PMEPA1: variants seen among roughly 807,000 people sequenced by gnomAD.
PMEPA1 encodes the protein protein TMEPAI.
PMEPA1 carries 11 observed loss-of-function variants against 23.0 expected under a neutral mutation model. That is an observed-to-expected ratio of 0.48 (90% confidence interval 0.30 to 0.79). The LOEUF (loss-of-function observed/expected upper bound fraction) is 0.79. Among genes scored for constraint, PMEPA1 ranks in the 30% least tolerant of loss-of-function variants. The probability of loss-of-function intolerance (pLI) is 0.06; values close to 1 mark genes in which losing one functional copy is unlikely to be tolerated. For missense variants in PMEPA1, 377 were observed against 390.9 expected (o/e 0.96, Z 0.30); for synonymous variants, 204 against 166.4 (o/e 1.23, Z -1.74).
chr20:57,659,801 T>G, intron 1 of PMEPA1, 104 bp from the exon 2 acceptor site: 1 of 1,078,238 alleles, frequency 9.3e-7, no homozygotes, highest in Non-Finnish European at 1.3e-6. Flanking sequence ...GGGACGAGAG[T>G]GCAACCCAGA....
chr20:57,710,564 C>G, upstream of PMEPA1: 3 of 1,274,800 alleles, frequency 2.4e-6, no homozygotes, highest in East Asian at 2.8e-5. Context: ...CCAAGGAGGA[C>G]GACCAGGAAA....
At chr20:57,665,621 C>T (rs1480461395) in intron 1 of PMEPA1, among the ~76,000 whole-genome samples, 1 of 152,062 alleles carries the variant, frequency 6.6e-6, no homozygotes, top group Non-Finnish European at 1.5e-5. Flanking sequence ...CAATTACTGA[C>T]ACTCCTCTGG....
rs1203471400 is a variant in PMEPA1 at position 57,650,428 on chromosome 20, C to T, written c.*1625G>A. Reference sequence around the variant, plus strand: ...GGCCCCGGTGGGTCCCAAAGCCCCACCCCTCATGCTCTCCTCTGGTCACCT... The same window carrying T: ...GGCCCCGGTGGGTCCCAAAGCCCCATCCCTCATGCTCTCCTCTGGTCACCT... On this transcript the variant is annotated 3_prime_UTR_variant, in exon 4 of 4. Transcript: ENST00000341744. 1.3e-5 allele frequency: 2 copies of T among 152,192 alleles called. No homozygotes were observed. The highest frequency in any genetic ancestry group is 4.8e-5 in the African/African-American group (2 of 41,418). The allele number at this position is 152,192 out of a possible 1,614,324, so 9.4% of individuals were successfully genotyped here.
At chr20:57,707,529 C>G (rs6025735) in intron 1 of PMEPA1, among the ~76,000 whole-genome samples, 13,830 of 152,076 alleles carry the variant, frequency 0.091, 1,283 homozygotes, top group African/African-American at 0.24. Flanking sequence ...AGGCTGCTGG[C>G]GGCGGCGGGG....
At chr20:57,686,040 C>T (rs2071796707) in intron 1 of PMEPA1, among the ~76,000 whole-genome samples, 1 of 152,100 alleles carries the variant, frequency 6.6e-6, no homozygotes, top group Admixed American at 6.5e-5. Flanking sequence ...CAGGGTGACA[C>T]CCAAACACCC....
At chr20:57,687,914 G>A (rs2071822310) in intron 1 of PMEPA1, among the ~76,000 whole-genome samples, 2 of 152,044 alleles carry the variant, frequency 1.3e-5, no homozygotes, top group South Asian at 2.1e-4. Context: ...CTAGTCTATG[G>A]GTTCCCTGTC....
intron 1 of PMEPA1, among the ~76,000 whole-genome samples, chr20:57,708,218 T>G (rs1291946248): frequency 6.6e-6 from 1 of 152,136 alleles, no homozygotes; most frequent in Non-Finnish European, 1.5e-5. Context: ...GCTTCTCAGC[T>G]CCGGGCCCCA....
At position 57,649,710 on chromosome 20, in the gene PMEPA1, A is replaced by T. The variant is rs1409148509; in HGVS notation, c.*2343T>A. ...AAAAAAGGTTGGAGGAGCAGGAGTAACCTCACCAAGCTAGGCACCTCCCTG... is the reference window on the plus strand; with the variant it reads ...AAAAAAGGTTGGAGGAGCAGGAGTATCCTCACCAAGCTAGGCACCTCCCTG... On this transcript the variant is annotated 3_prime_UTR_variant, in exon 4 of 4. Transcript: ENST00000341744. 2.0e-5 allele frequency: 3 copies of T among 152,432 alleles called. No homozygotes were observed. Among genetic ancestry groups the T allele is most frequent in the Non-Finnish European group, 4.4e-5 (3 of 68,028 alleles). The allele number at this position is 152,432 out of a possible 1,614,324, so 9.4% of individuals were successfully genotyped here. A position where few individuals can be genotyped will look rare whatever the true frequency, so the allele number is the denominator to read the frequency against.
intron 1 of PMEPA1, among the ~76,000 whole-genome samples, chr20:57,692,386 T>C (rs1393770735): frequency 6.6e-6 from 1 of 152,212 alleles, no homozygotes; most frequent in Non-Finnish European, 1.5e-5. Context: ...TGGGGGCAGG[T>C]GAGCAATGGT....
At chr20:57,710,755 G>A (rs2072170749), upstream of PMEPA1, 1 of 400,622 alleles carries the variant, frequency 2.5e-6, no homozygotes, top group Non-Finnish European at 4.4e-6. Flanking sequence ...ATGAGCAGGA[G>A]GGGTGTACTT....
chr20:57,655,172 C>T lies in PMEPA1; in HGVS notation c.265-2086G>A, dbSNP rs1305250579. Among the ~76,000 whole-genome samples, 7 of 152,196 alleles carry T rather than the reference C, an allele frequency of 4.6e-5. No individual in the cohort carries two copies. Among genetic ancestry groups the T allele is most frequent in the African/African-American group, 1.7e-4 (7 of 41,444 alleles). On this transcript the variant is annotated intron_variant, in intron 2 of 3. Transcript: ENST00000341744. This position sits in a 1 kb window ranked among gnomAD's most constrained non-coding sequence, Gnocchi z 4.2. ...GGTGCCCAGTGAACACAGACTCTCA[C>T]GTCTTGCCTTTGGATCTGAGCCCAT...
chr20:57,700,814 G>A (rs983476300), intron 1 of PMEPA1, among the ~76,000 whole-genome samples: 5 of 152,148 alleles, frequency 3.3e-5, no homozygotes, highest in African/African-American at 1.2e-4. Context: ...GATCACCGGA[G>A]GTCAGGAGTT....
intron 1 of PMEPA1, among the ~76,000 whole-genome samples, chr20:57,666,761 G>A (rs964158484): frequency 1.3e-5 from 2 of 152,158 alleles, no homozygotes; most frequent in African/African-American, 2.4e-5. Flanking sequence ...AGGAGTTATG[G>A]GCACCTGCCA....
chr20:57,699,915 G>T (rs1320383632), intron 1 of PMEPA1: 4 of 407,622 alleles, frequency 9.8e-6, no homozygotes, highest in Non-Finnish European at 2.0e-5. Context: ...CGGTTGGAAC[G>T]CACATGTTTC....
chr20:57,681,623 T>C (rs1333253972), intron 1 of PMEPA1, among the ~76,000 whole-genome samples: 3 of 152,178 alleles, frequency 2.0e-5, no homozygotes, highest in African/African-American at 4.8e-5. Context: ...TAAGCAATAA[T>C]AGAGCTCTCC....
intron 1 of PMEPA1, among the ~76,000 whole-genome samples, chr20:57,681,020 A>C (rs1230600767): frequency 6.6e-6 from 1 of 152,154 alleles, no homozygotes; most frequent in African/African-American, 2.4e-5. Context: ...GAGTTCTGAG[A>C]ATGTCAATCT....
chr20:57,672,205 G>A (rs1192408835), intron 1 of PMEPA1, among the ~76,000 whole-genome samples: 3 of 152,264 alleles, frequency 2.0e-5, no homozygotes, highest in African/African-American at 7.2e-5. Flanking sequence ...GCACGCGCAC[G>A]TGTGTGCCTG....
Position 57,682,147 on chromosome 20 carries a change from A to G in PMEPA1, c.110-22450T>C, listed in dbSNP as rs900681058. ...CACCTACTGGATAAATGAACAGAAG[A>G]TGGGTGATTCGCCCAAATACCGGGT... On this transcript the variant is annotated intron_variant, in intron 1 of 3. Coordinates refer to ENST00000341744, the MANE Select transcript of PMEPA1 (RefSeq NM_020182.5). The surrounding 1 kb of genome is among the most constrained non-coding windows in gnomAD (Gnocchi z 4.4). Among the ~76,000 whole-genome samples, 26 of 152,214 alleles carry G rather than the reference A, an allele frequency of 1.7e-4. No individual in the cohort carries two copies. The highest frequency in any genetic ancestry group is 3.5e-4 in the Non-Finnish European group (24 of 68,036).
chr20:57,666,606 G>T (rs930924729), intron 1 of PMEPA1, among the ~76,000 whole-genome samples: 2 of 152,224 alleles, frequency 1.3e-5, no homozygotes, highest in African/African-American at 4.8e-5. Context: ...GGCTTGTGTT[G>T]AATGTGACTG....
Sources: gnomAD v4.1 joint callset for allele counts (sites outside exome capture counted in the v4.1 genomes callset) on GRCh38, gnomAD v4.1.1 for gene constraint, Gnocchi (gnomAD v3.1) non-coding constraint, MANE v1.5 for transcripts, NCBI Gene and HGNC (gene_info 2026-07-23, HGNC 2026-07-21) for gene names.